CYP7B1: variants seen among roughly 807,000 people sequenced by gnomAD.
CYP7B1 encodes cytochrome P450 7B1.
A neutral mutation model predicts 42.7 loss-of-function variants in CYP7B1; 29 were observed. The ratio of observed to expected loss-of-function variants is 0.68; its 90% confidence interval spans 0.51 to 0.93. The LOEUF (loss-of-function observed/expected upper bound fraction) is 0.93, where lower values mean the gene tolerates loss of function less well. Among genes scored for constraint, CYP7B1 ranks in the 40% least tolerant of loss-of-function variants. CYP7B1 has a pLI of 0.00. For missense variants in CYP7B1, 655 were observed against 600.5 expected (o/e 1.09, Z -0.95); for synonymous variants, 235 against 218.2 (o/e 1.08, Z -0.68).
intron 1 of CYP7B1, among the ~76,000 whole-genome samples, chr8:64,685,275 C>T (rs1017580138): frequency 2.8e-5 from 4 of 145,374 alleles, no homozygotes; most frequent in African/African-American, 1.0e-4. Flanking sequence ...GCAGCCTCTG[C>T]CCGGCTGCCA....
chr8:64,635,726 T>A (rs751057551), intron 1 of CYP7B1, among the ~76,000 whole-genome samples: 9 of 152,208 alleles, frequency 5.9e-5, no homozygotes, highest in Non-Finnish European at 1.0e-4. Flanking sequence ...AAAATCAACA[T>A]GAATATGATG....
At chr8:64,725,075 G>C (rs1807302426) in intron 1 of CYP7B1, among the ~76,000 whole-genome samples, 1 of 152,164 alleles carries the variant, frequency 6.6e-6, no homozygotes, top group Non-Finnish European at 1.5e-5. Flanking sequence ...GGGAGGCCTT[G>C]TTGGGTTTCC....
intron 1 of CYP7B1, among the ~76,000 whole-genome samples, chr8:64,747,540 T>C (rs2129633420): frequency 6.6e-6 from 1 of 151,636 alleles, no homozygotes; most frequent in South Asian, 2.1e-4. Context: ...GAAAAGCAAA[T>C]GCTATTGAAA....
chr8:64,706,144 A>C (rs1332353136), intron 1 of CYP7B1, among the ~76,000 whole-genome samples: 1 of 152,024 alleles, frequency 6.6e-6, no homozygotes, highest in African/African-American at 2.4e-5. Flanking sequence ...GGCTTATGAT[A>C]ACATTTCTCT....
intron 1 of CYP7B1, among the ~76,000 whole-genome samples, chr8:64,691,912 C>G (rs889438051): frequency 2.0e-5 from 3 of 152,206 alleles, no homozygotes; most frequent in Admixed American, 6.5e-5. Flanking sequence ...CAAAGGGCCA[C>G]CTTTCTGACA....
At chr8:64,784,042 A>T (rs975252192) in intron 1 of CYP7B1, among the ~76,000 whole-genome samples, 1 of 152,172 alleles carries the variant, frequency 6.6e-6, no homozygotes, top group Non-Finnish European at 1.5e-5. Flanking sequence ...AGTCCTTGAC[A>T]GATGCAAATT....
At chr8:64,704,467 A>C (rs1373018930) in intron 1 of CYP7B1, among the ~76,000 whole-genome samples, 1 of 152,100 alleles carries the variant, frequency 6.6e-6, no homozygotes, top group African/African-American at 2.4e-5. Context: ...TGTGTTTTGC[A>C]TGCAGGTTTA....
chr8:64,757,362 A>T (rs1376327146), intron 1 of CYP7B1, among the ~76,000 whole-genome samples: 1 of 152,192 alleles, frequency 6.6e-6, no homozygotes, highest in East Asian at 1.9e-4. Context: ...GTATTCCATA[A>T]AATAGGATTA....
chr8:64,777,319 C>A (rs1432305395), intron 1 of CYP7B1, among the ~76,000 whole-genome samples: 1 of 151,974 alleles, frequency 6.6e-6, no homozygotes, highest in Non-Finnish European at 1.5e-5. Context: ...AATTTCATAG[C>A]AATAGCACTT....
chr8:64,607,188 C>T (rs1447007028), intron 4 of CYP7B1, among the ~76,000 whole-genome samples: 1 of 152,148 alleles, frequency 6.6e-6, no homozygotes, highest in African/African-American at 2.4e-5. Flanking sequence ...TTTCCCCCTT[C>T]TCACACATGA....
In CYP7B1 at chr8:64,762,485, G is replaced by A. The variant is rs572908799; in HGVS notation, c.122+35981C>T. Among the ~76,000 whole-genome samples the A allele has an allele frequency of 2.6e-5, 4 of 152,194 alleles. 1 individual carries two copies. The highest frequency in any genetic ancestry group is 9.6e-5 in the African/African-American group (4 of 41,530). On this transcript the variant is annotated intron_variant, in intron 1 of 5. Transcript: ENST00000310193. ...TTAAGACAATGAGTTATCAATACTT[G>A]GGTTGAATCAGTGTGAGAAACTAAA... is the stretch of plus-strand genomic sequence containing the variant.
At chr8:64,686,087 G>A (rs868847046) in intron 1 of CYP7B1, among the ~76,000 whole-genome samples, 226 of 113,530 alleles carry the variant, frequency 2.0e-3, no homozygotes, top group Middle Eastern at 0.011. Flanking sequence ...CAGCCGCCCC[G>A]TCCGGGAGGG....
At chr8:64,692,005 A>C (rs958936703) in intron 1 of CYP7B1, among the ~76,000 whole-genome samples, 5 of 152,342 alleles carry the variant, frequency 3.3e-5, no homozygotes, top group Admixed American at 1.3e-4. Context: ...GTCAGCATCA[A>C]CTGAATGTCC....
downstream of CYP7B1, among the ~76,000 whole-genome samples, chr8:64,590,170 A>C (rs958810701): frequency 6.6e-6 from 1 of 152,218 alleles, no homozygotes; most frequent in Non-Finnish European, 1.5e-5. Flanking sequence ...CCAGTTGGTA[A>C]ATAAACAATA....
chr8:64,599,041 T>C (rs1238116319), intron 5 of CYP7B1, among the ~76,000 whole-genome samples: 1 of 152,172 alleles, frequency 6.6e-6, no homozygotes, highest in Non-Finnish European at 1.5e-5. Flanking sequence ...AGTTTTGTTT[T>C]AGCTGAAAAA....
intron 1 of CYP7B1, among the ~76,000 whole-genome samples, chr8:64,704,907 A>G (rs2356984): frequency 0.11 from 16,477 of 152,034 alleles, 1,198 homozygotes; most frequent in Non-Finnish European, 0.17. Context: ...AAAATCAACT[A>G]CACTTACTTA....
At position 64,614,439 on chromosome 8, in the gene CYP7B1, C is replaced by T. The variant is rs1275023840; in HGVS notation, c.1057+587G>A. Among the ~76,000 whole-genome samples, 3 of 152,014 alleles carry T rather than the reference C, an allele frequency of 2.0e-5. No homozygotes were observed. The East Asian group carries it at 5.8e-4, about 29-fold the overall frequency. ...GTTGCTTTTCCTTTTCTTTTTCTCC[C>T]TTTCTCTCTTCCTTCCTTCCCTCTG... On this transcript the variant is annotated intron_variant, in intron 4 of 5. Transcript: ENST00000310193.
intron 1 of CYP7B1, among the ~76,000 whole-genome samples, chr8:64,726,324 A>G (rs569580674): frequency 1.7e-4 from 26 of 152,342 alleles, no homozygotes; most frequent in Admixed American, 1.1e-3. Flanking sequence ...CTGATGATGT[A>G]CGTTGGGGGA....
At chr8:64,760,350 A>C (rs1807870524) in intron 1 of CYP7B1, among the ~76,000 whole-genome samples, 1 of 152,168 alleles carries the variant, frequency 6.6e-6, no homozygotes, top group Non-Finnish European at 1.5e-5. Context: ...AAAAGCAAAA[A>C]TAAAAAAGTG....
Sources: gnomAD v4.1 joint callset for allele counts (sites outside exome capture counted in the v4.1 genomes callset) on GRCh38, gnomAD v4.1.1 for gene constraint, MANE v1.5 for transcripts, NCBI Gene and HGNC (gene_info 2026-07-23, HGNC 2026-07-21) for gene names.